The following CDH18 variants were observed in gnomAD, a reference collection of about 807,000 sequenced individuals.
CDH18 encodes cadherin-18.
In CDH18, 31 loss-of-function variants were observed where a neutral mutation model predicts 67.9. The observed-to-expected ratio is 0.46, with a 90% confidence interval of 0.34 to 0.62. The LOEUF (loss-of-function observed/expected upper bound fraction) is 0.62. Ranked by LOEUF, CDH18 falls within the 20% of genes least tolerant of loss-of-function variation. The probability of loss-of-function intolerance (pLI) is 0.01; values close to 1 mark genes in which losing one functional copy is unlikely to be tolerated. For missense variants in CDH18, 890 were observed against 975.5 expected (o/e 0.91, Z 1.17); for synonymous variants, 362 against 347.2 (o/e 1.04, Z -0.48).
intron 7 of CDH18, among the ~76,000 whole-genome samples, chr5:19,584,083 TGAGAAAGGCTGC>T (rs1446654895): frequency 6.6e-6 from 1 of 152,168 alleles, no homozygotes; most frequent in East Asian, 1.9e-4. Context: ...GAAGAGACTT[TGAGAAAGGCTGC>T]TAAGGAGAAG....
chr5:19,952,953 C>T (rs1177310711), intron 2 of CDH18, among the ~76,000 whole-genome samples: 2 of 152,096 alleles, frequency 1.3e-5, no homozygotes, highest in African/African-American at 2.4e-5. Context: ...CTATTTTATT[C>T]ATTTCACTTA....
chr5:20,170,896 C>T (rs1736650572), intron 2 of CDH18, among the ~76,000 whole-genome samples: 1 of 151,872 alleles, frequency 6.6e-6, no homozygotes, highest in South Asian at 2.1e-4. Context: ...TCTGTTGTTT[C>T]CATTTTTGTG....
intron 2 of CDH18, among the ~76,000 whole-genome samples, chr5:19,881,492 C>T (rs1350663466): frequency 6.7e-6 from 1 of 150,346 alleles, no homozygotes; most frequent in African/African-American, 2.4e-5. Flanking sequence ...GACAAATACC[C>T]AGCTCTTCAA....
chr5:19,648,204 C>A (rs573111064), intron 5 of CDH18, among the ~76,000 whole-genome samples: 1 of 150,294 alleles, frequency 6.7e-6, no homozygotes, highest in Non-Finnish European at 1.5e-5. Flanking sequence ...CACTTTAGGT[C>A]GGTAGTTCGA....
chr5:20,472,517 T>C (rs1311111986), intron 1 of CDH18, among the ~76,000 whole-genome samples: 1 of 152,210 alleles, frequency 6.6e-6, no homozygotes, highest in East Asian at 1.9e-4. Context: ...TACTTTCCAT[T>C]CAATTTTGTT....
In CDH18 at chr5:20,265,003, C is replaced by T. The variant is rs140664768; in HGVS notation, c.-579-9498G>A. On this transcript the variant is annotated intron_variant, in intron 1 of 14. Coordinates refer to the CDH18 transcript ENST00000507958. ...CTCAGGATACAAATTGATAATGATACGAGAGACGAGTGAGATAACCTGAAG... is the reference window on the plus strand; with the variant it reads ...CTCAGGATACAAATTGATAATGATATGAGAGACGAGTGAGATAACCTGAAG... Among the ~76,000 whole-genome samples, 388 of 152,126 alleles carry T rather than the reference C, an allele frequency of 2.6e-3. 3 individuals carry two copies. Among genetic ancestry groups the T allele is most frequent in the Admixed American group, 3.8e-3 (58 of 15,278 alleles).
chr5:19,605,564 A>T (rs1747899508), intron 6 of CDH18, among the ~76,000 whole-genome samples: 1 of 152,042 alleles, frequency 6.6e-6, no homozygotes, highest in South Asian at 2.1e-4. Context: ...AAGTGGAATG[A>T]TCTTTCAAAT....
At chr5:20,489,740 G>A (rs2126377034) in intron 1 of CDH18, among the ~76,000 whole-genome samples, 1 of 151,938 alleles carries the variant, frequency 6.6e-6, no homozygotes. Flanking sequence ...TGCAGCTCTG[G>A]GTTGAAATTT....
At chr5:19,591,276 A>G in intron 6 of CDH18, 32 bp from the exon 7 acceptor site, 1 of 1,397,240 alleles carries the variant, frequency 7.2e-7, no homozygotes, top group Non-Finnish European at 9.7e-7. Flanking sequence ...ACATATTTAA[A>G]TACAATGTTC....
chr5:19,896,297 C>T (rs1036291079), intron 2 of CDH18, among the ~76,000 whole-genome samples: 15 of 152,010 alleles, frequency 9.9e-5, no homozygotes, highest in Middle Eastern at 3.4e-3. Flanking sequence ...TGCAGTGAGT[C>T]GAGAACACAT....
At chr5:20,329,814 T>G (rs1330984344) in intron 1 of CDH18, among the ~76,000 whole-genome samples, 1 of 148,670 alleles carries the variant, frequency 6.7e-6, no homozygotes, top group African/African-American at 2.5e-5. Flanking sequence ...TTAATTTTAG[T>G]CTGTGTACAT....
intron 2 of CDH18, among the ~76,000 whole-genome samples, chr5:19,941,358 G>A (rs1451024684): frequency 6.6e-6 from 1 of 152,054 alleles, no homozygotes; most frequent in African/African-American, 2.4e-5. Context: ...AGCACAAATG[G>A]AATAAGATAA....
intron 12 of CDH18, among the ~76,000 whole-genome samples, chr5:19,480,506 T>C (rs1424392684): frequency 6.6e-6 from 1 of 151,146 alleles, no homozygotes; most frequent in Non-Finnish European, 1.5e-5. Flanking sequence ...GCCTCCCGAG[T>C]AGCTGGGACT....
intron 5 of CDH18, among the ~76,000 whole-genome samples, chr5:19,634,114 A>G (rs1035288260): frequency 1.3e-5 from 2 of 152,226 alleles, no homozygotes; most frequent in Non-Finnish European, 1.5e-5. Flanking sequence ...TTGTGGTGGC[A>G]TGTAGAAATT....
At chr5:19,553,355 TATC>T (rs1230572221) in intron 8 of CDH18, among the ~76,000 whole-genome samples, 1 of 151,926 alleles carries the variant, frequency 6.6e-6, no homozygotes, top group East Asian at 1.9e-4. Flanking sequence ...CTTAGAGAAA[TATC>T]ATCTGACCTG....
chr5:19,743,942 A>G (rs924028806), intron 4 of CDH18, among the ~76,000 whole-genome samples: 18 of 151,518 alleles, frequency 1.2e-4, no homozygotes, highest in Non-Finnish European at 2.5e-4. Flanking sequence ...AAAAAAAAAA[A>G]AAAAAAAAAT....
At position 19,702,022 on chromosome 5, in the gene CDH18, C is replaced by T. The variant is rs560830251; in HGVS notation, c.643+19325G>A. 2.0e-5 allele frequency among the ~76,000 whole-genome samples: 3 copies of T among 152,170 alleles called. No homozygotes were observed. The South Asian group carries it at 6.2e-4, about 32-fold the overall frequency. On this transcript the variant is annotated intron_variant, in intron 5 of 12. Transcript: ENST00000382275. ...TAAGTGGCTAATATGGTCCAAATTA[C>T]CCTTAAGCTCCTGCTTTAAGGATTA...
intron 3 of CDH18, among the ~76,000 whole-genome samples, chr5:19,795,882 A>C (rs1031375543): frequency 6.6e-6 from 1 of 152,126 alleles, no homozygotes; most frequent in Non-Finnish European, 1.5e-5. Flanking sequence ...ATCTCAGCAA[A>C]AAATAAAAGT....
chr5:20,028,493 T>G (rs953182170), intron 2 of CDH18, among the ~76,000 whole-genome samples: 3 of 152,168 alleles, frequency 2.0e-5, no homozygotes, highest in Non-Finnish European at 4.4e-5. Flanking sequence ...TGGAAATATT[T>G]ACATTTGAGC....
Sources: allele counts gnomAD v4.1 joint callset (sites outside exome capture counted in the v4.1 genomes callset), GRCh38; gene constraint gnomAD v4.1.1; transcripts MANE v1.5; gene names NCBI Gene and HGNC (gene_info 2026-07-23, HGNC 2026-07-21).